The following VAC14 variants were observed in gnomAD, a reference collection of about 807,000 sequenced individuals.
The protein encoded by VAC14 is protein VAC14 homolog.
A neutral mutation model predicts 85.3 loss-of-function variants in VAC14; 47 were observed. The observed-to-expected ratio is 0.55, with a 90% CI of 0.44 to 0.70. The LOEUF (loss-of-function observed/expected upper bound fraction) is 0.70. Ranked by LOEUF, VAC14 falls within the 30% of genes least tolerant of loss-of-function variation. The pLI is 0.00. For missense variants in VAC14, 861 were observed against 1,004.3 expected (o/e 0.86, Z 1.93); for synonymous variants, 447 against 430.5 (o/e 1.04, Z -0.47).
At chr16:70,789,729 C>T (rs1001774932) in intron 1 of VAC14, among the ~76,000 whole-genome samples, 3 of 152,172 alleles carry the variant, frequency 2.0e-5, no homozygotes, top group African/African-American at 7.2e-5. Context: ...CTAAATTCTG[C>T]AAAGATCTAG....
chr16:70,756,748 G>A (rs554203337), intron 12 of VAC14, among the ~76,000 whole-genome samples: 6 of 152,110 alleles, frequency 3.9e-5, no homozygotes, highest in Non-Finnish European at 8.8e-5. Context: ...CGGGTACATC[G>A]CTGTACCCAT....
chr16:70,709,586 G>C (rs1567529893), intron 14 of VAC14, among the ~76,000 whole-genome samples: 1 of 152,198 alleles, frequency 6.6e-6, no homozygotes, highest in Non-Finnish European at 1.5e-5. Context: ...GTCTCCAAGG[G>C]TACGAGAGGG....
intron 12 of VAC14, among the ~76,000 whole-genome samples, chr16:70,754,237 G>A (rs2031641612): frequency 6.6e-6 from 1 of 152,206 alleles, no homozygotes; most frequent in Admixed American, 6.5e-5. Context: ...GACACCACAA[G>A]GTGGGAACAT....
chr16:70,787,538 AGTCT>A, intron 1 of VAC14, among the ~76,000 whole-genome samples: 1 of 152,266 alleles, frequency 6.6e-6, no homozygotes, highest in East Asian at 1.9e-4. Flanking sequence ...ACAACAGACT[AGTCT>A]GTTTTCAGAG....
chr16:70,778,227 C>A (rs2033620679), intron 9 of VAC14, among the ~76,000 whole-genome samples: 1 of 152,168 alleles, frequency 6.6e-6, no homozygotes, highest in African/African-American at 2.4e-5. Context: ...GGCCGGGAAT[C>A]AAACCCGGGC....
At chr16:70,705,751 A>C (rs1428404689) in intron 14 of VAC14, among the ~76,000 whole-genome samples, 4 of 152,196 alleles carry the variant, frequency 2.6e-5, no homozygotes, top group Non-Finnish European at 5.9e-5. Flanking sequence ...GAGGACTCAG[A>C]AGAAGCCTCA....
intron 1 of VAC14, among the ~76,000 whole-genome samples, chr16:70,795,285 T>C (rs62048013): frequency 0.047 from 7,064 of 151,628 alleles, 253 homozygotes; most frequent in East Asian, 0.098. Flanking sequence ...CCTAACATGG[T>C]GAAACCCGAT....
At chr16:70,729,550 G>C (rs968399689) in intron 14 of VAC14, among the ~76,000 whole-genome samples, 1 of 152,052 alleles carries the variant, frequency 6.6e-6, no homozygotes, top group African/African-American at 2.4e-5. Flanking sequence ...GCAGCGGCTC[G>C]CAGCAGACCA....
chr16:70,705,064 C>T (rs1039877280), intron 14 of VAC14, among the ~76,000 whole-genome samples: 2 of 152,206 alleles, frequency 1.3e-5, no homozygotes, highest in African/African-American at 4.8e-5. Context: ...ATACTTGTGC[C>T]GGCTCCCTTT....
At chr16:70,759,814 G>A (rs1285829594) in intron 12 of VAC14, among the ~76,000 whole-genome samples, 1 of 152,116 alleles carries the variant, frequency 6.6e-6, no homozygotes, top group Admixed American at 6.5e-5. Flanking sequence ...CATGGGCTGG[G>A]AGCATGCTGG....
rs533977098 is a variant in VAC14, at chr16:70,759,500, T to A, written c.1371+3040A>T. 2.6e-5 allele frequency among the ~76,000 whole-genome samples: 4 copies of A among 152,250 alleles called. 1 individual carries two copies. In the East Asian group the frequency reaches 7.7e-4, roughly 29 times the overall value. On this transcript the variant is annotated intron_variant, in intron 12 of 18. Coordinates refer to ENST00000261776, the MANE Select transcript of VAC14 (RefSeq NM_018052.5). ...AAAGTTAGTCAGGTGTGGTGGTACA[T>A]GCCTGTAATCCCAGATACTTGGGAG...
intron 13 of VAC14, among the ~76,000 whole-genome samples, chr16:70,742,835 C>T (rs943175677): frequency 6.6e-6 from 1 of 152,238 alleles, no homozygotes; most frequent in African/African-American, 2.4e-5. Flanking sequence ...CTTTATGACA[C>T]GTGAGGCTGC....
chr16:70,720,609 G>A (rs2054266111), intron 14 of VAC14, among the ~76,000 whole-genome samples: 1 of 152,244 alleles, frequency 6.6e-6, no homozygotes, highest in Non-Finnish European at 1.5e-5. Context: ...TTCCTTCAGA[G>A]GGAAAGGAGT....
chr16:70,730,408 T>C (rs775411421), intron 14 of VAC14, among the ~76,000 whole-genome samples: 47 of 152,146 alleles, frequency 3.1e-4, no homozygotes, highest in Admixed American at 1.6e-3. Context: ...TACAGCAAGA[T>C]GAGCTCCCCA....
rs1464995582 is a variant in VAC14, at chr16:70,745,516, T to TGCGC, written c.1372-938_1372-937insGCGC. On this transcript the variant is annotated intron_variant, in intron 12 of 18. Transcript: ENST00000261776. ...GTGTGTGTGTGTGTGTGTGTGTGTG[T>TGCGC]GTGCGCGTGTGCGCGCGTGTGCCTG... Among the ~76,000 whole-genome samples, 85 of 141,948 alleles carry TGCGC rather than the reference T, an allele frequency of 6.0e-4. 1 individual carries two copies. Among genetic ancestry groups the TGCGC allele is most frequent in the African/African-American group, 2.4e-3 (79 of 32,606 alleles). The allele number at this position is 141,948 out of a possible 152,430, so 93.1% of individuals were successfully genotyped here.
chr16:70,693,066 G>A (rs2053630813), intron 17 of VAC14, 95 bp from the exon 18 acceptor site: 2 of 1,467,050 alleles, frequency 1.4e-6, no homozygotes, highest in Non-Finnish European at 1.8e-6. Flanking sequence ...GGACCACCTG[G>A]GACTTGGTGC....
Position 70,789,487 on chromosome 16 carries a change from C to G in VAC14, c.105-3122G>C, listed in dbSNP as rs764118203. On this transcript the variant is annotated intron_variant, in intron 1 of 18. Transcript: ENST00000261776. ...GAATGGGGTTAAAGGGAGGTGCGCACACAGCTGCTCACATCTGGGGCATTG... is the reference window on the plus strand; with the variant it reads ...GAATGGGGTTAAAGGGAGGTGCGCAGACAGCTGCTCACATCTGGGGCATTG... Among the ~76,000 whole-genome samples the G allele has an allele frequency of 2.0e-5, 3 of 152,120 alleles. No homozygotes were observed. The South Asian group carries it at 6.2e-4, about 32-fold the overall frequency.
chr16:70,794,525 G>A (rs2143340448), intron 1 of VAC14, among the ~76,000 whole-genome samples: 1 of 152,314 alleles, frequency 6.6e-6, no homozygotes, highest in Non-Finnish European at 1.5e-5. Flanking sequence ...CAGGAGATAT[G>A]GGGGAAGCCA....
At chr16:70,750,413 G>A (rs2031284646) in intron 12 of VAC14, among the ~76,000 whole-genome samples, 2 of 152,182 alleles carry the variant, frequency 1.3e-5, no homozygotes, top group African/African-American at 4.8e-5. Flanking sequence ...ATATTCTGCA[G>A]GAGCAGGAGC....
Sources: gnomAD v4.1 joint callset for allele counts (sites outside exome capture counted in the v4.1 genomes callset) on GRCh38, gnomAD v4.1.1 for gene constraint, MANE v1.5 for transcripts, NCBI Gene and HGNC (gene_info 2026-07-23, HGNC 2026-07-21) for gene names.